Variants in CATSPER1 observed in about 807,000 individuals in gnomAD.
CATSPER1 encodes the protein cation channel sperm-associated protein 1.
Under a neutral mutation model 72.7 loss-of-function variants are expected in CATSPER1, and 57 were observed. The ratio of observed to expected loss-of-function variants is 0.78; its 90% CI spans 0.63 to 0.98. The LOEUF is 0.98. Among genes scored for constraint, CATSPER1 ranks in the 50% least tolerant of loss-of-function variants. The pLI is 0.00. For missense variants in CATSPER1, 910 were observed against 1,033.9 expected, an observed-to-expected ratio of 0.88 and a Z score of 1.64; for synonymous variants, 363 against 403.0, an observed-to-expected ratio of 0.90 and a Z score of 1.19.
At chr11:66,024,256 G>A (rs964586809) in intron 1 of CATSPER1, among the ~76,000 whole-genome samples, 2 of 145,986 alleles carry the variant, frequency 1.4e-5, no homozygotes, top group Admixed American at 6.9e-5. Context: ...GTGAGCCATC[G>A]CACCCAGCCT....
Position 66,017,136 on chromosome 11 carries a change from G to A in CATSPER1, c.2240C>T (p.Ala747Val). The A allele has an allele frequency of 7.4e-7, 1 of 1,349,082 alleles. No homozygotes were observed. The highest frequency in any genetic ancestry group is 9.8e-7 in the Non-Finnish European group (1 of 1,015,380). 83.6% of individuals were successfully genotyped at this position (1,349,082 alleles called of 1,614,324 possible). A position where few individuals can be genotyped will look rare whatever the true frequency, so the allele number is the denominator to read the frequency against. The change falls in exon 11 of 12, where the codon GCA (alanine) becomes GTA (valine). Residue 747 changes from alanine to valine, a missense_variant. Coordinates refer to ENST00000312106, the MANE Select transcript of CATSPER1 (RefSeq NM_053054.4). The part of the protein sequence containing the change: ...ELLFHYLQLV[A>V]SVEQEQQKFR... Reference sequence around the variant, plus strand: ...CTTCTGCTGCTCCTGCTCCACGCTTGCCACCAGCTGCAGGTAATGGAACAG... The same window carrying A: ...CTTCTGCTGCTCCTGCTCCACGCTTACCACCAGCTGCAGGTAATGGAACAG...
chr11:66,020,932 C>T lies in CATSPER1; in HGVS notation c.1806G>A (p.Arg602=). The T allele has an allele frequency of 1.2e-6, 2 of 1,613,976 alleles. No homozygotes were observed. Among genetic ancestry groups the T allele is most frequent in the Non-Finnish European group, 1.7e-6 (2 of 1,180,014 alleles). Residue 602 remains arginine (R), a synonymous_variant, in exon 6 of 12, where the codon CGG becomes CGA. Transcript: ENST00000312106. The surrounding 1 kb of genome is among the most constrained non-coding windows in gnomAD (Gnocchi z 4.5). Reference sequence around the variant, plus strand: ...TGGGGTCAGATTTGCGGAACAGTGCCCGGAGGACCGCGGAGAAGAGGACTG... The same window carrying T: ...TGGGGTCAGATTTGCGGAACAGTGCTCGGAGGACCGCGGAGAAGAGGACTG... ...TCLFLFSAVL[R]ALFRKSDPKR...
chr11:66,026,067 C>T lies in CATSPER1; in HGVS notation c.313G>A (p.Val105Ile), dbSNP rs137878849. The part of the protein sequence containing the change: ...GFGLAPSQGA[V>I]PSHRSYGEDY... Reference sequence around the variant, plus strand: ...TCACCGTAGGAACGGTGGGAGGGGACGGCGCCTTGAGAGGGAGCCAGACCA... The same window carrying T: ...TCACCGTAGGAACGGTGGGAGGGGATGGCGCCTTGAGAGGGAGCCAGACCA... The change falls in exon 1 of 12, where the codon GTC becomes ATC. Residue 105 changes from valine to isoleucine, a missense_variant. Coordinates refer to ENST00000312106, the MANE Select transcript of CATSPER1 (RefSeq NM_053054.4). The T allele has an allele frequency of 1.4e-5, 22 of 1,613,416 alleles. No homozygotes were observed. Among genetic ancestry groups the T allele is most frequent in the African/African-American group, 4.0e-5 (3 of 74,750 alleles).
rs1202342614 is a variant in CATSPER1, at chr11:66,020,103, G to T, written c.2125+37C>A. ...GATGGAGAGACTGGCCCCCACTGCG[G>T]ACGGGCAGGTGGGGCCAGGGCGGGC... is the stretch of plus-strand genomic sequence containing the variant. On this transcript the variant is annotated intron_variant, in intron 9 of 11. Transcript: ENST00000312106. The surrounding 1 kb of genome is among the most constrained non-coding windows in gnomAD (Gnocchi z 4.5). 1 of 1,604,332 alleles carries T rather than the reference G, an allele frequency of 6.2e-7. No individual in the cohort carries two copies. The highest frequency in any genetic ancestry group is 1.3e-5 in the African/African-American group (1 of 74,852).
chr11:66,023,462 G>A (rs1856422812), intron 1 of CATSPER1, among the ~76,000 whole-genome samples: 1 of 152,132 alleles, frequency 6.6e-6, no homozygotes, highest in African/African-American at 2.4e-5. Context: ...CCTCACACAA[G>A]CCCGGATTCC....
In CATSPER1 at chr11:66,025,418, C is replaced by T. The variant is rs752707753; in HGVS notation, c.962G>A (p.Ser321Asn). 2.5e-6 allele frequency: 4 copies of T among 1,613,538 alleles called. No homozygotes were observed. Among genetic ancestry groups the T allele is most frequent in the Admixed American group, 1.7e-5 (1 of 59,880 alleles). ...GTGTGGGATAGAGAGTTGGGAAGTG[C>T]TCTGGACGTAGTCGCCATGGAGGTA... Reference protein sequence around the residue: ...SSYLHGDYVQSTSQLSIPHTS... With the variant: ...SSYLHGDYVQNTSQLSIPHTS... The change falls in exon 1 of 12, where the codon AGC becomes AAC. Residue 321 changes from serine (S) to asparagine (N), a missense_variant. By Grantham distance (46) the Ser-to-Asn change is conservative. Transcript: ENST00000312106.
Position 66,017,194 on chromosome 11 carries a change from T to TGGGGGGGGGGGGGGGGGGGGGGGCCCC in CATSPER1, c.2202-21_2202-20insGGGGCCCCCCCCCCCCCCCCCCCCCCC. On this transcript the variant is annotated intron_variant, in intron 10 of 11. Transcript: ENST00000312106. ...TGCTGCCTGCGGGTGGGCGGGGGGG[T>TGGGGGGGGGGGGGGGGGGGGGGGCCCC]CGCAGAGACAGGGGCTGGGCTGACC... The TGGGGGGGGGGGGGGGGGGGGGGGCCCC allele has an allele frequency of 1.8e-6, 1 of 550,250 alleles. No homozygotes were observed. Among genetic ancestry groups the TGGGGGGGGGGGGGGGGGGGGGGGCCCC allele is most frequent in the Non-Finnish European group, 3.4e-6 (1 of 295,834 alleles). 34.1% of individuals were successfully genotyped at this position (550,250 alleles called of 1,614,324 possible). A position where few individuals can be genotyped will look rare whatever the true frequency, so the allele number is the denominator to read the frequency against.
chr11:66,017,194 T>TGGGGGGGGGGGGGGGGGCC lies in CATSPER1; in HGVS notation c.2202-21_2202-20insGGCCCCCCCCCCCCCCCCC. On this transcript the variant is annotated intron_variant, in intron 10 of 11. Coordinates refer to ENST00000312106, the MANE Select transcript of CATSPER1 (RefSeq NM_053054.4). ...TGCTGCCTGCGGGTGGGCGGGGGGG[T>TGGGGGGGGGGGGGGGGGCC]CGCAGAGACAGGGGCTGGGCTGACC... 1.8e-6 allele frequency: 1 copy of TGGGGGGGGGGGGGGGGGCC among 550,278 alleles called. No individual in the cohort carries two copies. Among genetic ancestry groups the TGGGGGGGGGGGGGGGGGCC allele is most frequent in the Non-Finnish European group, 3.4e-6 (1 of 295,850 alleles). The allele number at this position is 550,278 out of a possible 1,614,324, so 34.1% of individuals were successfully genotyped here.
chr11:66,018,590 T>C (rs980917564), intron 10 of CATSPER1, among the ~76,000 whole-genome samples: 1 of 152,206 alleles, frequency 6.6e-6, no homozygotes, highest in African/African-American at 2.4e-5. Context: ...GGGATGGTTC[T>C]GGGGTGAAGG....
Position 66,025,822 on chromosome 11 carries a change from G to A in CATSPER1, c.558C>T (p.Pro186=), listed in dbSNP as rs769540159. 2.5e-6 allele frequency: 4 copies of A among 1,612,800 alleles called. No homozygotes were observed. The Admixed American group carries it at 6.7e-5, about 27-fold the overall frequency. ...CGCTGTGGTGGAAGGACTCACTGTAGGGATTGGGTCCATGGGGGAGGTAGG... is the reference window on the plus strand; with the variant it reads ...CGCTGTGGTGGAAGGACTCACTGTAAGGATTGGGTCCATGGGGGAGGTAGG... ...GGSYLPHGPN[P]YSESFHHSEA... Residue 186 remains proline (P), a synonymous_variant, in exon 1 of 12, where the codon CCC becomes CCT. Transcript: ENST00000312106.
At chr11:66,018,683 T>C in intron 10 of CATSPER1, 144 bp downstream of exon 10, 1 of 863,662 alleles carries the variant, frequency 1.2e-6, no homozygotes, top group Admixed American at 2.1e-5. Flanking sequence ...GGTCTCCTCG[T>C]TGCACCCACA....
Position 66,020,579 on chromosome 11 carries a change from T to TGATGTACATC in CATSPER1, c.1975_1976insGATGTACATC (p.Tyr659Ter), listed in dbSNP as rs1430412550. 6.2e-6 allele frequency: 10 copies of TGATGTACATC among 1,612,096 alleles called. No individual in the cohort carries two copies. The highest frequency in any genetic ancestry group is 8.5e-6 in the Non-Finnish European group (10 of 1,179,246). Reference sequence around the variant, plus strand: ...GAGTCCTCACTTGAGGAAGATGAAGTACTGGATGATGATGTAAATTACGAG... The same window carrying TGATGTACATC: ...GAGTCCTCACTTGAGGAAGATGAAGTGATGTACATCACTGGATGATGATGTAAATTACGAG... On this transcript the variant is annotated stop_gained and frameshift_variant, in exon 7 of 12. Transcript: ENST00000312106. LOFTEE classifies it high-confidence loss of function. The surrounding 1 kb of genome is among the most constrained non-coding windows in gnomAD (Gnocchi z 4.5).
In CATSPER1 at chr11:66,026,240, T is replaced by C. The variant is rs752495586; in HGVS notation, c.140A>G (p.His47Arg). The C allele has an allele frequency of 8.1e-6, 13 of 1,613,500 alleles. No homozygotes were observed. The South Asian group carries it at 1.4e-4, about 18-fold the overall frequency. The change falls in exon 1 of 12, where the codon CAT becomes CGT. Residue 47 changes from histidine to arginine, a missense_variant. Coordinates refer to ENST00000312106, the MANE Select transcript of CATSPER1 (RefSeq NM_053054.4). ...ACCACGTTGGTGGGGCACGCCGTGATGGTGCAACTCGTAATGGTGGAGAGC... is the reference window on the plus strand; with the variant it reads ...ACCACGTTGGTGGGGCACGCCGTGACGGTGCAACTCGTAATGGTGGAGAGC... Reference protein sequence around the residue: ...SRALHHYELHHHGVPHQRGES... With the variant: ...SRALHHYELHRHGVPHQRGES...
intron 10 of CATSPER1, among the ~76,000 whole-genome samples, chr11:66,017,804 G>A (rs1180074999): frequency 2.0e-5 from 3 of 152,244 alleles, no homozygotes; most frequent in Admixed American, 6.5e-5. Flanking sequence ...ACACTTTGAG[G>A]CATGAAATTG....
intron 10 of CATSPER1, 32 bp downstream of exon 10, chr11:66,018,795 C>A (rs2134987183): frequency 6.2e-7 from 1 of 1,609,636 alleles, no homozygotes; most frequent in East Asian, 2.2e-5. Context: ...CACCCTCAGA[C>A]CCCAGGCCTC....
chr11:66,021,554 G>C lies in CATSPER1; in HGVS notation c.1633C>G (p.Leu545Val). 1 of 1,613,734 alleles carries C rather than the reference G, an allele frequency of 6.2e-7. No individual in the cohort carries two copies. Among genetic ancestry groups the C allele is most frequent in the South Asian group, 1.1e-5 (1 of 90,990 alleles). ...AIYHQSLFRILKVFKSLRALR... is the reference protein window; with the variant it reads ...AIYHQSLFRIVKVFKSLRALR... Reference sequence around the variant, plus strand: ...GCCCGCAGGCTCTTGAAGACCTTGAGGATCCGGAAGAGGCTTTGGTGGTAG... The same window carrying C: ...GCCCGCAGGCTCTTGAAGACCTTGACGATCCGGAAGAGGCTTTGGTGGTAG... The change falls in exon 4 of 12, where the codon CTC becomes GTC. Residue 545 changes from leucine to valine, a missense_variant. Transcript: ENST00000312106.
At position 66,023,062 on chromosome 11, in the gene CATSPER1, C is replaced by T; in HGVS notation, c.1217-1G>A. 1.2e-6 allele frequency: 2 copies of T among 1,613,790 alleles called. No individual in the cohort carries two copies. The highest frequency in any genetic ancestry group is 1.1e-5 in the South Asian group (1 of 91,076). ...TTGCGGGTCCGCTGGAGCCGGCCGG[C>T]TGAAAGGAACAGGGCCAGAAAGTCA... On this transcript the variant is annotated splice_acceptor_variant, in intron 1 of 11. Coordinates refer to ENST00000312106, the MANE Select transcript of CATSPER1 (RefSeq NM_053054.4). LOFTEE classifies it high-confidence loss of function.
In CATSPER1 at chr11:66,020,933, C is replaced by G. The variant is rs145583697; in HGVS notation, c.1805G>C (p.Arg602Pro). Residue 602 changes from arginine (R) to proline (P), a missense_variant, in exon 6 of 12, where the codon CGG (arginine) becomes CCG (proline). By Grantham distance (103) the Arg-to-Pro change is moderately radical. Coordinates refer to ENST00000312106, the MANE Select transcript of CATSPER1 (RefSeq NM_053054.4). This position sits in a 1 kb window ranked among gnomAD's most constrained non-coding sequence, Gnocchi z 4.5. The stretch of plus-strand genomic sequence containing the variant: ...GGGGTCAGATTTGCGGAACAGTGCC[C>G]GGAGGACCGCGGAGAAGAGGACTGG... The part of the protein sequence containing the change: ...TCLFLFSAVL[R>P]ALFRKSDPKR... 1 of 1,613,942 alleles carries G rather than the reference C, an allele frequency of 6.2e-7. No homozygotes were observed. The highest frequency in any genetic ancestry group is 2.2e-5 in the East Asian group (1 of 44,884).
At chr11:66,017,202 A>T in intron 10 of CATSPER1, 28 bp from the exon 11 acceptor site, 1 of 1,492,210 alleles carries the variant, frequency 6.7e-7, no homozygotes, top group Non-Finnish European at 9.1e-7. Flanking sequence ...GGTCGCAGAG[A>T]CAGGGGCTGG....
Sources: gnomAD v4.1 joint callset for allele counts (sites outside exome capture counted in the v4.1 genomes callset) on GRCh38, gnomAD v4.1.1 for gene constraint, Gnocchi (gnomAD v3.1) non-coding constraint, MANE v1.5 for transcripts, NCBI Gene and HGNC (gene_info 2026-07-23, HGNC 2026-07-21) for gene names.